TCERG1: variants seen among roughly 807,000 people sequenced by gnomAD.
TCERG1 encodes the protein transcription elongation regulator 1, also known as TATA box binding protein (TBP)-associated factor, RNA polymerase II, S, 150kD.
In TCERG1, 37 loss-of-function variants were observed where a neutral mutation model predicts 144.7. The ratio of observed to expected loss-of-function variants is 0.26; its 90% confidence interval spans 0.20 to 0.34. The LOEUF is 0.34. TCERG1 is among the 10% of genes least tolerant of loss of function. TCERG1 has a pLI of 1.00. For synonymous variants in TCERG1, 492 were observed against 458.2 expected (o/e 1.07, Z -0.94); for missense variants, 1,027 against 1,380.7 (o/e 0.74, Z 4.06).
intron 15 of TCERG1, among the ~76,000 whole-genome samples, chr5:146,489,602 A>G (rs1766202305): frequency 6.6e-6 from 1 of 152,176 alleles, no homozygotes; most frequent in African/African-American, 2.4e-5. Flanking sequence ...TGAAACAGAA[A>G]AGATAAAATC....
chr5:146,502,657 C>T (rs1561703183), intron 17 of TCERG1, among the ~76,000 whole-genome samples: 1 of 152,064 alleles, frequency 6.6e-6, no homozygotes, highest in African/African-American at 2.4e-5. Flanking sequence ...TGGATAAACA[C>T]TTAACATTCT....
rs577433981 is a variant in TCERG1 at position 146,504,884 on chromosome 5, T to C, written c.2781+878T>C. 9.2e-5 allele frequency among the ~76,000 whole-genome samples: 14 copies of C among 152,092 alleles called. No individual in the cohort carries two copies. In the East Asian group the frequency reaches 2.7e-3, roughly 29 times the overall value. On this transcript the variant is annotated intron_variant, in intron 19 of 22. Coordinates refer to ENST00000679501, the MANE Select transcript of TCERG1 (RefSeq NM_001382548.1). ...CAACATGGCGAAACCCCGTCTCTAA[T>C]AAAAATACAAAATTAGCCGGGTGTG...
intron 7 of TCERG1, among the ~76,000 whole-genome samples, chr5:146,470,209 C>A (rs1461244768): frequency 6.6e-6 from 1 of 152,116 alleles, no homozygotes; most frequent in East Asian, 1.9e-4. Flanking sequence ...CACTGTGTTG[C>A]CCAGGCTGGT....
Position 146,510,498 on chromosome 5 carries a change from A to G in TCERG1, c.3204A>G (p.Leu1068=). ...DQHLKDVEKI[L]QNDKRYLVLD... ...ACCTGAAAGATGTAGAAAAAATTTT[A>G]CAGAATGACAAACGGTATCTAGTAC... is the stretch of plus-strand genomic sequence containing the variant. The change falls in exon 23 of 23, where the codon TTA becomes TTG. Residue 1068 remains leucine (L), a synonymous_variant. Coordinates refer to ENST00000679501, the MANE Select transcript of TCERG1 (RefSeq NM_001382548.1). The G allele has an allele frequency of 6.2e-7, 1 of 1,614,160 alleles. No homozygotes were observed. The highest frequency in any genetic ancestry group is 8.5e-7 in the Non-Finnish European group (1 of 1,180,020).
In TCERG1 at chr5:146,507,989, G is replaced by C. The variant is rs767330078; in HGVS notation, c.3045+33G>C. 6.6e-7 allele frequency: 1 copy of C among 1,513,638 alleles called. No individual in the cohort carries two copies. Among genetic ancestry groups the C allele is most frequent in the Non-Finnish European group, 9.1e-7 (1 of 1,103,186 alleles). The allele number at this position is 1,513,638 out of a possible 1,614,324, so 93.8% of individuals were successfully genotyped here. A position where few individuals can be genotyped will look rare whatever the true frequency, so the allele number is the denominator to read the frequency against. On this transcript the variant is annotated intron_variant, in intron 21 of 22. Transcript: ENST00000679501. This position sits in a 1 kb window ranked among gnomAD's most constrained non-coding sequence, Gnocchi z 4.6. The stretch of plus-strand genomic sequence containing the variant: ...GATTTTGTGTCGAGATTTACTGTCA[G>C]TCTATAAATACTTAAATCGGGGCCT...
chr5:146,487,689 G>A (rs1010947355), intron 15 of TCERG1, among the ~76,000 whole-genome samples: 4 of 148,366 alleles, frequency 2.7e-5, no homozygotes, highest in Non-Finnish European at 5.9e-5. Context: ...AGCTATGACC[G>A]CTACTGCACT....
At position 146,509,139 on chromosome 5, in the gene TCERG1, T is replaced by G; in HGVS notation, c.3046-6T>G. The G allele has an allele frequency of 6.5e-7, 1 of 1,533,930 alleles. No individual in the cohort carries two copies. Among genetic ancestry groups the G allele is most frequent in the Non-Finnish European group, 8.8e-7 (1 of 1,135,210 alleles). On this transcript the variant is annotated splice_polypyrimidine_tract_variant and splice_region_variant and intron_variant, in intron 21 of 22. Transcript: ENST00000679501. ...ATAATCTCAACTTTTTTTTTTTTAT[T>G]AACAGAAAAAACAAAGAGAATTTGA... is the stretch of plus-strand genomic sequence containing the variant.
At chr5:146,461,990 T>G (rs1008688556) in intron 4 of TCERG1, 1 of 152,604 alleles carries the variant, frequency 6.6e-6, no homozygotes, top group Admixed American at 6.5e-5. Flanking sequence ...TGTTATAAAA[T>G]TATATTAATA....
At chr5:146,461,160 C>T (rs1235507625) in intron 4 of TCERG1, among the ~76,000 whole-genome samples, 9 of 152,070 alleles carry the variant, frequency 5.9e-5, no homozygotes, top group African/African-American at 2.2e-4. Flanking sequence ...TGTCTTGTGT[C>T]CTGTTTGTCA....
In TCERG1 at chr5:146,459,209, C is replaced by T; in HGVS notation, c.764C>T (p.Ala255Val). The part of the protein sequence containing the change: ...AQVQAQVQAQ[A>V]VGASTPTTSS... ...GTCCAGGCACAAGTGCAAGCACAAG[C>T]AGTTGGAGCTTCCACCCCTACGACC... The change falls in exon 4 of 23, where the codon GCA (alanine) becomes GTA (valine). Residue 255 changes from alanine to valine, a missense_variant. Ala to Val is a moderately conservative substitution (Grantham distance 64, BLOSUM62 0). Coordinates refer to ENST00000679501, the MANE Select transcript of TCERG1 (RefSeq NM_001382548.1). The T allele has an allele frequency of 1.2e-6, 2 of 1,614,280 alleles. No homozygotes were observed. The highest frequency in any genetic ancestry group is 1.7e-6 in the Non-Finnish European group (2 of 1,180,046).
In TCERG1 at chr5:146,507,231, T is replaced by C. The variant is rs762092025; in HGVS notation, c.2961+24T>C. On this transcript the variant is annotated intron_variant, in intron 20 of 22. Transcript: ENST00000679501. This position sits in a 1 kb window ranked among gnomAD's most constrained non-coding sequence, Gnocchi z 4.6. ...CAGTAAGAATCTCTTATTTTTCTCA[T>C]TTTAATCTGGATGAATCTTGTTAGT... The C allele has an allele frequency of 7.8e-6, 12 of 1,547,220 alleles. No homozygotes were observed. The highest frequency in any genetic ancestry group is 1.0e-5 in the Non-Finnish European group (12 of 1,151,144).
intron 1 of TCERG1, among the ~76,000 whole-genome samples, chr5:146,454,659 T>A (rs1019252612): frequency 6.6e-6 from 1 of 152,138 alleles, no homozygotes; most frequent in Non-Finnish European, 1.5e-5. Context: ...GTGCAGTGGC[T>A]TGATCTTGGC....
intron 19 of TCERG1, among the ~76,000 whole-genome samples, chr5:146,505,171 A>G (rs749594999): frequency 6.6e-6 from 1 of 151,874 alleles, no homozygotes; most frequent in Non-Finnish European, 1.5e-5. Flanking sequence ...ATTCAGAGCC[A>G]TCCTGAGTTG....
At chr5:146,455,511 A>G (rs1383785456) in intron 2 of TCERG1, among the ~76,000 whole-genome samples, 2 of 152,242 alleles carry the variant, frequency 1.3e-5, no homozygotes, top group Non-Finnish European at 2.9e-5. Flanking sequence ...GTATAAAACC[A>G]GGATTCAATA....
At chr5:146,492,894 G>A (rs1450540530) in intron 15 of TCERG1, 26 bp from the exon 16 acceptor site, 1 of 1,539,008 alleles carries the variant, frequency 6.5e-7, no homozygotes, top group African/African-American at 1.4e-5. Context: ...AGATTGACTT[G>A]TCAAATTTGT....
intron 21 of TCERG1, among the ~76,000 whole-genome samples, chr5:146,508,525 T>G (rs890577218): frequency 2.0e-4 from 31 of 152,178 alleles, no homozygotes; most frequent in African/African-American, 7.5e-4. Context: ...GTCTATTGGA[T>G]TGTAGATGTT....
chr5:146,504,209 C>T, intron 19 of TCERG1: 1 of 416,432 alleles, frequency 2.4e-6, no homozygotes, highest in Non-Finnish European at 4.1e-6. Context: ...AGAAGTTAGG[C>T]ATTTTGCATA....
At chr5:146,451,156 G>T (rs1287306351) in intron 1 of TCERG1, among the ~76,000 whole-genome samples, 1 of 152,132 alleles carries the variant, frequency 6.6e-6, no homozygotes, top group Non-Finnish European at 1.5e-5. Flanking sequence ...TAAGAGTAGG[G>T]TACATTATTA....
rs151176678 is a variant in TCERG1, at chr5:146,459,048, A to G, written c.603A>G (p.Ala201=). Residue 201 remains alanine, a synonymous_variant, in exon 4 of 23, where the codon GCA becomes GCG. Coordinates refer to ENST00000679501, the MANE Select transcript of TCERG1 (RefSeq NM_001382548.1). The part of the protein sequence containing the change: ...AQAQAQAQAQ[A]QAQAQAQAQA... ...CCCAGGCGCAGGCTCAGGCCCAGGC[A>G]CAAGCTCAGGCCCAGGCTCAGGCTC... 1,165 of 1,596,136 alleles carry G rather than the reference A, an allele frequency of 7.3e-4. 14 individuals carry two copies. The East Asian group carries it at 0.021, about 29-fold the overall frequency.
Sources: gnomAD v4.1 joint callset for allele counts (sites outside exome capture counted in the v4.1 genomes callset) on GRCh38, gnomAD v4.1.1 for gene constraint, Gnocchi (gnomAD v3.1) non-coding constraint, MANE v1.5 for transcripts, NCBI Gene and HGNC (gene_info 2026-07-23, HGNC 2026-07-21) for gene names.